The following TP53BP1 variants were observed in gnomAD, a reference collection of about 807,000 sequenced individuals.
TP53BP1 encodes TP53-binding protein 1.
In TP53BP1, 61 loss-of-function variants were observed where a neutral mutation model predicts 200.8. That is an observed-to-expected ratio of 0.30 (90% confidence interval 0.25 to 0.38). The LOEUF (loss-of-function observed/expected upper bound fraction) is 0.38. TP53BP1 is among the 10% of genes least tolerant of loss of function. TP53BP1 has a pLI of 1.00. For synonymous variants in TP53BP1, 822 were observed against 844.3 expected (o/e 0.97, Z 0.46); for missense variants, 2,144 against 2,371.9 (o/e 0.90, Z 2.00).
chr15:43,443,357 T>C (rs2045971651), intron 14 of TP53BP1, among the ~76,000 whole-genome samples: 1 of 152,144 alleles, frequency 6.6e-6, no homozygotes, highest in South Asian at 2.1e-4. Flanking sequence ...AAATAGAAGG[T>C]ACCCAAGTTC....
chr15:43,467,860 T>C (rs1021469135), intron 11 of TP53BP1, among the ~76,000 whole-genome samples: 4 of 151,972 alleles, frequency 2.6e-5, no homozygotes, highest in African/African-American at 4.8e-5. Flanking sequence ...CTCAGCTCAC[T>C]GTAACCTCTG....
At position 43,480,890 on chromosome 15, in the gene TP53BP1, G is replaced by A; in HGVS notation, c.499+5C>T. On this transcript the variant is annotated splice_donor_5th_base_variant and intron_variant, in intron 5 of 27. Coordinates refer to ENST00000382044, the MANE Select transcript of TP53BP1 (RefSeq NM_001141980.3). ...TCTATTATTCTGAAAAAAGCACAAG[G>A]CTACCTTCAGCACCAAGGGAATGTG... The A allele has an allele frequency of 2.5e-6, 4 of 1,613,956 alleles. No individual in the cohort carries two copies. The highest frequency in any genetic ancestry group is 2.2e-5 in the South Asian group (2 of 91,078).
chr15:43,479,658 TAAAGG>T lies in TP53BP1; in HGVS notation c.659-137_659-133del, dbSNP rs905269994. 1.4e-5 allele frequency: 17 copies of T among 1,177,584 alleles called. No homozygotes were observed. The East Asian group carries it at 3.4e-4, about 24-fold the overall frequency. 72.9% of individuals were successfully genotyped at this position (1,177,584 alleles called of 1,614,324 possible). ...TAAAATATATACAGGCATCAGTCTA[TAAAGG>T]AAAGTAACCAATAACTTAAAACCTC... On this transcript the variant is annotated intron_variant, in intron 6 of 27. Transcript: ENST00000382044.
At chr15:43,491,628 C>G (rs375645301) in intron 4 of TP53BP1, 41 bp downstream of exon 4, 4 of 1,424,044 alleles carry the variant, frequency 2.8e-6, no homozygotes, top group Non-Finnish European at 4.0e-6. Flanking sequence ...AAGAACAAAT[C>G]TGATAATACA....
intron 11 of TP53BP1, 85 bp downstream of exon 11, chr15:43,469,773 G>A (rs2046677709): frequency 4.5e-6 from 5 of 1,117,120 alleles, no homozygotes; most frequent in African/African-American, 3.1e-5. Flanking sequence ...TAAAACGTGT[G>A]AATTTTATGG....
chr15:43,497,239 C>A (rs1188808030), upstream of TP53BP1, among the ~76,000 whole-genome samples: 1 of 152,094 alleles, frequency 6.6e-6, no homozygotes, highest in Non-Finnish European at 1.5e-5. Context: ...ATTAAAAATA[C>A]AATGGTGGTG....
Position 43,479,663 on chromosome 15 carries a change from G to A in TP53BP1, c.659-137C>T. On this transcript the variant is annotated intron_variant, in intron 6 of 27. Coordinates refer to ENST00000382044, the MANE Select transcript of TP53BP1 (RefSeq NM_001141980.3). ...TATATACAGGCATCAGTCTATAAAG[G>A]AAAGTAACCAATAACTTAAAACCTC... is the stretch of plus-strand genomic sequence containing the variant. The A allele has an allele frequency of 3.4e-6, 4 of 1,181,182 alleles. No homozygotes were observed. The South Asian group carries it at 4.8e-5, about 14-fold the overall frequency. The allele number at this position is 1,181,182 out of a possible 1,614,324, so 73.2% of individuals were successfully genotyped here. A position where few individuals can be genotyped will look rare whatever the true frequency, so the allele number is the denominator to read the frequency against.
intron 16 of TP53BP1, 127 bp from the exon 17 acceptor site, chr15:43,432,804 TAAGG>T (rs2045702963): frequency 1.9e-6 from 2 of 1,055,800 alleles, no homozygotes; most frequent in Non-Finnish European, 2.7e-6. Context: ...TTGAGAAATG[TAAGG>T]AAGGGAGAAA....
At chr15:43,482,090 G>A (rs892861003) in intron 4 of TP53BP1, among the ~76,000 whole-genome samples, 5 of 151,772 alleles carry the variant, frequency 3.3e-5, no homozygotes, top group South Asian at 2.1e-4. Flanking sequence ...TTAGCTGGGC[G>A]TGGTGGCAGG....
In TP53BP1 at chr15:43,405,335, CT is replaced by C. The variant is rs2044834145; in HGVS notation, c.*2047del. The stretch of plus-strand genomic sequence containing the variant: ...CTGCGGCTTAGTGATAGGACTCTAC[CT>C]TTTCTCCTAGAAGCAGTTACTGAAC... On this transcript the variant is annotated 3_prime_UTR_variant, in exon 28 of 28. Coordinates refer to ENST00000382044, the MANE Select transcript of TP53BP1 (RefSeq NM_001141980.3). 3 of 1,141,206 alleles carry C rather than the reference CT, an allele frequency of 2.6e-6. No individual in the cohort carries two copies. Among genetic ancestry groups the C allele is most frequent in the Non-Finnish European group, 3.9e-6 (3 of 772,890 alleles). 70.7% of individuals were successfully genotyped at this position (1,141,206 alleles called of 1,614,324 possible).
At chr15:43,433,499 T>C (rs1427471872) in intron 16 of TP53BP1, among the ~76,000 whole-genome samples, 1 of 152,240 alleles carries the variant, frequency 6.6e-6, no homozygotes, top group Non-Finnish European at 1.5e-5. Flanking sequence ...ATGTCTTATC[T>C]ATCTTTATAT....
At position 43,405,250 on chromosome 15, in the gene TP53BP1, T is replaced by C. The variant is rs1416324678; in HGVS notation, c.*2133A>G. 2.5e-6 allele frequency: 4 copies of C among 1,611,844 alleles called. No individual in the cohort carries two copies. The African/African-American group carries it at 5.3e-5, about 22-fold the overall frequency. On this transcript the variant is annotated 3_prime_UTR_variant, in exon 28 of 28. Transcript: ENST00000382044. ...CTCATAAATTGAAATAACAGCCACG[T>C]TCCCAAGGTTGTAACAGAAGATTCA...
At chr15:43,483,779 A>C (rs540593906) in intron 4 of TP53BP1, among the ~76,000 whole-genome samples, 1 of 152,358 alleles carries the variant, frequency 6.6e-6, no homozygotes, top group African/African-American at 2.4e-5. Flanking sequence ...GGTAGAAAAG[A>C]AGCAATGAAG....
chr15:43,473,175 T>A (rs543946748), intron 10 of TP53BP1, among the ~76,000 whole-genome samples: 1 of 152,220 alleles, frequency 6.6e-6, no homozygotes, highest in Middle Eastern at 3.4e-3. Context: ...AAAAGCAGCG[T>A]GGACCCAAAG....
Position 43,456,155 on chromosome 15 carries a change from T to G in TP53BP1, c.2453A>C (p.Glu818Ala). The change falls in exon 12 of 28, where the codon GAA (glutamate) becomes GCA (alanine). Residue 818 changes from glutamate (E) to alanine (A), a missense_variant. Physicochemically the swap from Glu to Ala is moderately radical, Grantham distance 107. Coordinates refer to ENST00000382044, the MANE Select transcript of TP53BP1 (RefSeq NM_001141980.3). Reference sequence around the variant, plus strand: ...TGCAGTCCCTGATTTCAGATCTCCTTCATATTCTACACTCTTTTCTTCCTT... The same window carrying G: ...TGCAGTCCCTGATTTCAGATCTCCTGCATATTCTACACTCTTTTCTTCCTT... ...DTKEEKSVEY[E>A]GDLKSGTAET... 1 of 1,614,184 alleles carries G rather than the reference T, an allele frequency of 6.2e-7. No individual in the cohort carries two copies. Among genetic ancestry groups the G allele is most frequent in the Non-Finnish European group, 8.5e-7 (1 of 1,180,034 alleles).
chr15:43,439,331 G>A (rs1011320496), intron 15 of TP53BP1, among the ~76,000 whole-genome samples: 1 of 152,138 alleles, frequency 6.6e-6, no homozygotes, highest in Non-Finnish European at 1.5e-5. Flanking sequence ...TGAGCTTCAG[G>A]AGTTAGAGAC....
At chr15:43,443,179 C>T (rs1234922851) in intron 14 of TP53BP1, among the ~76,000 whole-genome samples, 2 of 151,544 alleles carry the variant, frequency 1.3e-5, no homozygotes, top group Non-Finnish European at 2.9e-5. Flanking sequence ...TTCATCTCTG[C>T]CCATATAAGA....
intron 17 of TP53BP1, among the ~76,000 whole-genome samples, chr15:43,429,401 C>A (rs548984282): frequency 6.6e-6 from 1 of 152,180 alleles, no homozygotes; most frequent in Admixed American, 6.5e-5. Context: ...CCACTAACTC[C>A]GTAATTCTGA....
chr15:43,475,092 A>AT (rs1320013350), intron 9 of TP53BP1, among the ~76,000 whole-genome samples: 3 of 152,232 alleles, frequency 2.0e-5, no homozygotes, highest in African/African-American at 7.2e-5. Context: ...GATTTGAGAC[A>AT]TAAAAAAAAT....
Sources: allele counts gnomAD v4.1 joint callset (sites outside exome capture counted in the v4.1 genomes callset), GRCh38; gene constraint gnomAD v4.1.1; transcripts MANE v1.5; gene names NCBI Gene and HGNC (gene_info 2026-07-23, HGNC 2026-07-21).